The following CNTN3 variants were observed in gnomAD, a reference collection of about 807,000 sequenced individuals.
The protein encoded by CNTN3 is contactin-3.
CNTN3 carries 60 observed loss-of-function variants against 119.1 expected under a neutral mutation model. That is an observed-to-expected ratio of 0.50 (90% CI 0.41 to 0.62). CNTN3 has a LOEUF of 0.62. CNTN3 is among the 20% of genes least tolerant of loss of function. CNTN3 has a pLI of 0.00. For missense variants in CNTN3, 1,101 were observed against 1,242.4 expected, an observed-to-expected ratio of 0.89 and a Z score of 1.71; for synonymous variants, 450 against 438.7, an observed-to-expected ratio of 1.03 and a Z score of -0.32.
chr3:74,530,883 T>C (rs1254452651), intron 1 of CNTN3, among the ~76,000 whole-genome samples: 1 of 151,812 alleles, frequency 6.6e-6, no homozygotes, highest in Non-Finnish European at 1.5e-5. Flanking sequence ...TGTTTTGGAA[T>C]CTCAAGTGAA....
At chr3:74,407,435 A>ATTTTT (rs372596619) in intron 5 of CNTN3, among the ~76,000 whole-genome samples, 1 of 136,494 alleles carries the variant, frequency 7.3e-6, no homozygotes, top group African/African-American at 2.7e-5. Context: ...CGCCTGGCTA[A>ATTTTT]TTTTTTTTTT....
At chr3:74,427,225 G>A (rs1701709247) in intron 4 of CNTN3, among the ~76,000 whole-genome samples, 1 of 152,116 alleles carries the variant, frequency 6.6e-6, no homozygotes. Flanking sequence ...TAATTGTAAT[G>A]GCACATTGTA....
chr3:74,409,764 T>C (rs992598701), intron 5 of CNTN3, among the ~76,000 whole-genome samples: 4 of 152,316 alleles, frequency 2.6e-5, no homozygotes, highest in African/African-American at 4.8e-5. Context: ...ATTTTTAGCT[T>C]ATTTTGAAGC....
intron 5 of CNTN3, among the ~76,000 whole-genome samples, chr3:74,386,454 A>C (rs1182915261): frequency 1.3e-5 from 2 of 152,286 alleles, no homozygotes; most frequent in South Asian, 4.1e-4. Context: ...ATTTGTCTCT[A>C]CAAAAATTAG....
chr3:74,585,630 G>A (rs973892283), intron 1 of CNTN3, among the ~76,000 whole-genome samples: 2 of 151,972 alleles, frequency 1.3e-5, no homozygotes, highest in East Asian at 1.9e-4. Flanking sequence ...AAAGTTACAC[G>A]ATGACTTGAT....
intron 11 of CNTN3, among the ~76,000 whole-genome samples, chr3:74,358,834 C>A (rs1032535199): frequency 7.1e-6 from 1 of 139,914 alleles, no homozygotes; most frequent in Non-Finnish European, 1.5e-5. Context: ...TTGTTCAATT[C>A]CCACCTATGA....
chr3:74,356,463 T>C (rs1299368778), intron 11 of CNTN3, among the ~76,000 whole-genome samples: 1 of 152,072 alleles, frequency 6.6e-6, no homozygotes, highest in Non-Finnish European at 1.5e-5. Flanking sequence ...AATTTGGAGA[T>C]AAGAGCCTTC....
intron 1 of CNTN3, among the ~76,000 whole-genome samples, chr3:74,533,009 C>A (rs1197302298): frequency 6.6e-6 from 1 of 151,916 alleles, no homozygotes; most frequent in Non-Finnish European, 1.5e-5. Flanking sequence ...TATCCCATGG[C>A]CAAAACAGAA....
At chr3:74,537,395 A>G (rs1177797668) in intron 1 of CNTN3, among the ~76,000 whole-genome samples, 1 of 152,166 alleles carries the variant, frequency 6.6e-6, no homozygotes, top group East Asian at 1.9e-4. Flanking sequence ...CCACTGAATC[A>G]TAATTTCCAG....
At chr3:74,486,202 A>G (rs1019546759) in intron 4 of CNTN3, among the ~76,000 whole-genome samples, 9 of 113,808 alleles carry the variant, frequency 7.9e-5, no homozygotes, top group East Asian at 2.2e-4. Flanking sequence ...AAAATAGAGC[A>G]CACACACACA....
rs571177038 is a variant in CNTN3, at chr3:74,298,492, A to T, written c.2167-301T>A. 2.0e-5 allele frequency among the ~76,000 whole-genome samples: 3 copies of T among 152,244 alleles called. No individual in the cohort carries two copies. In the East Asian group the frequency reaches 5.8e-4, roughly 29 times the overall value. On this transcript the variant is annotated intron_variant, in intron 17 of 22. Coordinates refer to ENST00000263665, the MANE Select transcript of CNTN3 (RefSeq NM_020872.3). ...GTTTCTAATAGGAAGATATACTTTCAGTTGAAAATATCTGATCTCTTAAGC... is the reference window on the plus strand; with the variant it reads ...GTTTCTAATAGGAAGATATACTTTCTGTTGAAAATATCTGATCTCTTAAGC...
chr3:74,430,816 A>G (rs1701771369), intron 4 of CNTN3, among the ~76,000 whole-genome samples: 1 of 152,168 alleles, frequency 6.6e-6, no homozygotes. Context: ...TTAAAAAATA[A>G]TAAGCAAGCA....
At chr3:74,380,895 A>C (rs1704600172) in intron 5 of CNTN3, among the ~76,000 whole-genome samples, 1 of 152,146 alleles carries the variant, frequency 6.6e-6, no homozygotes, top group African/African-American at 2.4e-5. Flanking sequence ...CATTGTTCTC[A>C]TCTTGCATTA....
Position 74,499,654 on chromosome 3 carries a change from T to C in CNTN3, c.182+5A>G. The C allele has an allele frequency of 6.3e-7, 1 of 1,592,348 alleles. No homozygotes were observed. Among genetic ancestry groups the C allele is most frequent in the Non-Finnish European group, 8.5e-7 (1 of 1,173,020 alleles). On this transcript the variant is annotated splice_donor_5th_base_variant and intron_variant, in intron 3 of 22. Transcript: ENST00000263665. ...TTATTTGAATTTTCAAACTTTTCACTGTACCTGTAATGAGGTGATGGATTG... is the reference window on the plus strand; with the variant it reads ...TTATTTGAATTTTCAAACTTTTCACCGTACCTGTAATGAGGTGATGGATTG...
intron 13 of CNTN3, among the ~76,000 whole-genome samples, chr3:74,316,528 A>C (rs1410127688): frequency 6.6e-6 from 1 of 152,136 alleles, no homozygotes; most frequent in African/African-American, 2.4e-5. Flanking sequence ...AAAAACACAT[A>C]TGCACCCATA....
intron 4 of CNTN3, 40 bp from the exon 5 acceptor site, chr3:74,424,980 C>G: frequency 7.4e-7 from 1 of 1,351,052 alleles, no homozygotes. Flanking sequence ...TTAGAAAGAC[C>G]AATTAAATCA....
intron 4 of CNTN3, among the ~76,000 whole-genome samples, chr3:74,433,215 A>G (rs983703466): frequency 1.5e-4 from 23 of 152,148 alleles, no homozygotes; most frequent in Non-Finnish European, 1.5e-4. Flanking sequence ...CCCAACCCCA[A>G]TAGTGGAGGA....
chr3:74,595,470 A>G (rs1704789311), intron 1 of CNTN3, among the ~76,000 whole-genome samples: 1 of 152,134 alleles, frequency 6.6e-6, no homozygotes, highest in South Asian at 2.1e-4. Context: ...TAATTTTTGT[A>G]GAAGGTGTAA....
At chr3:74,603,706 C>T (rs1437100603) in intron 1 of CNTN3, among the ~76,000 whole-genome samples, 1 of 151,822 alleles carries the variant, frequency 6.6e-6, no homozygotes, top group East Asian at 1.9e-4. Context: ...CGTTTATGGA[C>T]TAGAAGAAAT....
Sources: allele counts gnomAD v4.1 joint callset (sites outside exome capture counted in the v4.1 genomes callset), GRCh38; gene constraint gnomAD v4.1.1; transcripts MANE v1.5; gene names NCBI Gene and HGNC (gene_info 2026-07-23, HGNC 2026-07-21).